The following SULT2B1 variants were observed in gnomAD, a reference collection of about 807,000 sequenced individuals.
SULT2B1 encodes sulfotransferase 2B1.
Under a neutral mutation model 33.2 loss-of-function variants are expected in SULT2B1, and 16 were observed. The observed-to-expected ratio is 0.48, with a 90% CI of 0.33 to 0.73. SULT2B1 has a LOEUF of 0.73. Among genes scored for constraint, SULT2B1 ranks in the 30% least tolerant of loss-of-function variants. The pLI is 0.02. For synonymous variants in SULT2B1, 186 were observed against 200.5 expected (o/e 0.93, Z 0.61); for missense variants, 500 against 506.0 (o/e 0.99, Z 0.11).
rs142655043 is a variant in SULT2B1, at chr19:48,555,549, C to CCTCTCTCTCTCTCTCTCTCT, written c.71+3247_71+3266dup. 1.2e-3 allele frequency among the ~76,000 whole-genome samples: 147 copies of CCTCTCTCTCTCTCTCTCTCT among 124,162 alleles called. 2 individuals carry two copies. Among genetic ancestry groups the CCTCTCTCTCTCTCTCTCTCT allele is most frequent in the African/African-American group, 2.4e-3 (71 of 30,054 alleles). 81.5% of individuals were successfully genotyped at this position (124,162 alleles called of 152,430 possible). On this transcript the variant is annotated intron_variant, in intron 1 of 6. Transcript: ENST00000201586. ...CCTTGCATAGGGATCCCAGAGACAT[C>CCTCTCTCTCTCTCTCTCTCT]CTCTCTCTCTCTCTCTCTCTCTCTC...
chr19:48,556,438 G>A (rs954233445), intron 1 of SULT2B1, among the ~76,000 whole-genome samples: 1 of 152,054 alleles, frequency 6.6e-6, no homozygotes, highest in Non-Finnish European at 1.5e-5. Context: ...GGGAGGAGGG[G>A]CAGGGAGTGC....
chr19:48,580,523 G>A (rs922779687), intron 2 of SULT2B1, among the ~76,000 whole-genome samples: 3 of 152,240 alleles, frequency 2.0e-5, no homozygotes, highest in East Asian at 1.9e-4. Flanking sequence ...GCCTCCCAAA[G>A]TGCTGGGATT....
chr19:48,593,325 G>A (rs1169673743), intron 5 of SULT2B1, among the ~76,000 whole-genome samples: 2 of 152,122 alleles, frequency 1.3e-5, no homozygotes, highest in African/African-American at 4.8e-5. Flanking sequence ...CCCAAGGCAG[G>A]TGGATCACTT....
intron 2 of SULT2B1, among the ~76,000 whole-genome samples, chr19:48,582,183 G>A (rs891023860): frequency 2.0e-5 from 3 of 152,146 alleles, no homozygotes; most frequent in Admixed American, 2.0e-4. Flanking sequence ...GGGATTACAG[G>A]CGTGAGCCAC....
chr19:48,568,597 G>C (rs1406721864), intron 1 of SULT2B1, among the ~76,000 whole-genome samples: 1 of 152,188 alleles, frequency 6.6e-6, no homozygotes, highest in Non-Finnish European at 1.5e-5. Flanking sequence ...GGGAGAGCCT[G>C]GCGGGGAGAA....
At chr19:48,594,835 G>A (rs926125741) in intron 5 of SULT2B1, among the ~76,000 whole-genome samples, 1 of 151,840 alleles carries the variant, frequency 6.6e-6, no homozygotes, top group African/African-American at 2.4e-5. Context: ...CCTGGCCAAC[G>A]TGGTGAAATC....
At chr19:48,565,322 T>A (rs150355162) in intron 1 of SULT2B1, among the ~76,000 whole-genome samples, 94 of 151,910 alleles carry the variant, frequency 6.2e-4, no homozygotes, top group African/African-American at 2.1e-3. Context: ...ACTTCAGTAT[T>A]TGTTTATGGG....
chr19:48,589,553 A>G (rs1601109648), intron 3 of SULT2B1, among the ~76,000 whole-genome samples: 1 of 152,196 alleles, frequency 6.6e-6, no homozygotes, highest in Admixed American at 6.5e-5. Flanking sequence ...GGGGGCTGCA[A>G]TCAGGAAGTC....
In SULT2B1 at chr19:48,591,625, G is replaced by A. The variant is rs777140014; in HGVS notation, c.440G>A (p.Arg147His). The change falls in exon 4 of 7, where the codon CGC (arginine) becomes CAC (histidine). Residue 147 changes from arginine (R) to histidine (H), a missense_variant. Transcript: ENST00000201586. ...SSKAKVIYMG[R>H]NPRDVVVSLY... ...CGCACACAGGTGATCTACATGGGCC[G>A]CAACCCCCGGGACGTTGTGGTCTCC... 3 of 1,612,588 alleles carry A rather than the reference G, an allele frequency of 1.9e-6. No individual in the cohort carries two copies. Among genetic ancestry groups the A allele is most frequent in the East Asian group, 2.2e-5 (1 of 44,838 alleles).
intron 1 of SULT2B1, among the ~76,000 whole-genome samples, chr19:48,574,349 C>T (rs1057135282): frequency 6.6e-6 from 1 of 152,198 alleles, no homozygotes. Flanking sequence ...TGGGCTCCAC[C>T]CTGGCCTCTG....
chr19:48,594,116 G>A (rs1973680508), intron 5 of SULT2B1, among the ~76,000 whole-genome samples: 1 of 151,440 alleles, frequency 6.6e-6, no homozygotes, highest in Non-Finnish European at 1.5e-5. Flanking sequence ...AAAAAATTAG[G>A]CGGCCATGGT....
chr19:48,571,336 A>G (rs2147607613), intron 1 of SULT2B1, among the ~76,000 whole-genome samples: 1 of 151,672 alleles, frequency 6.6e-6, no homozygotes, highest in Admixed American at 6.6e-5. Flanking sequence ...AGCTGAGATT[A>G]CAGGCGCCCA....
At position 48,599,323 on chromosome 19, in the gene SULT2B1, C is replaced by T; in HGVS notation, c.1015C>T (p.Leu339=). The change falls in exon 7 of 7, where the codon CTG becomes TTG. Residue 339 remains leucine, a synonymous_variant. Coordinates refer to ENST00000201586, the MANE Select transcript of SULT2B1 (RefSeq NM_177973.2). This position sits in a 1 kb window ranked among gnomAD's most constrained non-coding sequence, Gnocchi z 4.1. The part of the protein sequence containing the change: ...PKPSLEPNTS[L]EREPRPNSSP... ...GCCCAGCCTTGAGCCCAACACCAGC[C>T]TGGAGCGTGAGCCCAGACCCAACTC... 6.2e-7 allele frequency: 1 copy of T among 1,604,470 alleles called. No individual in the cohort carries two copies. Among genetic ancestry groups the T allele is most frequent in the Non-Finnish European group, 8.5e-7 (1 of 1,175,574 alleles).
chr19:48,565,645 G>T (rs1425515405), intron 1 of SULT2B1, among the ~76,000 whole-genome samples: 1 of 152,076 alleles, frequency 6.6e-6, no homozygotes, highest in African/African-American at 2.4e-5. Flanking sequence ...CTTCCAAAGT[G>T]CTGAGATTAC....
chr19:48,579,950 G>T (rs1392119830), intron 2 of SULT2B1, among the ~76,000 whole-genome samples: 1 of 151,646 alleles, frequency 6.6e-6, no homozygotes, highest in Non-Finnish European at 1.5e-5. Flanking sequence ...TTGAGGCAGG[G>T]TCTCGATCTT....
intron 5 of SULT2B1, chr19:48,595,825 C>T (rs1275796775): frequency 2.6e-5 from 4 of 152,152 alleles, no homozygotes; most frequent in Admixed American, 6.6e-5. Context: ...CGCCACCACA[C>T]CCAGCTAATT....
At chr19:48,566,185 A>G (rs1004232651) in intron 1 of SULT2B1, among the ~76,000 whole-genome samples, 2 of 151,956 alleles carry the variant, frequency 1.3e-5, no homozygotes, top group Non-Finnish European at 2.9e-5. Context: ...TGGCCTCCCA[A>G]AGTGCTGGGT....
At chr19:48,561,400 G>T (rs1601087672) in intron 1 of SULT2B1, among the ~76,000 whole-genome samples, 1 of 152,164 alleles carries the variant, frequency 6.6e-6, no homozygotes, top group East Asian at 1.9e-4. Flanking sequence ...TTGCACTCCA[G>T]CCTGGGCAAC....
chr19:48,596,921 T>A lies in SULT2B1; in HGVS notation c.826+2T>A. On this transcript the variant is annotated splice_donor_variant, in intron 6 of 6. Transcript: ENST00000201586. LOFTEE classifies it high-confidence loss of function. ...GTCGCGGGGCCTTCCTCCGGAAAGG[T>A]GCGGGGGTTCTGGGGTTCAGAGCCC... The A allele has an allele frequency of 6.3e-7, 1 of 1,583,514 alleles. No individual in the cohort carries two copies. Among genetic ancestry groups the A allele is most frequent in the Non-Finnish European group, 8.5e-7 (1 of 1,170,552 alleles).
Sources: allele counts gnomAD v4.1 joint callset (sites outside exome capture counted in the v4.1 genomes callset), GRCh38; gene constraint gnomAD v4.1.1; non-coding constraint Gnocchi (gnomAD v3.1); transcripts MANE v1.5; gene names NCBI Gene and HGNC (gene_info 2026-07-23, HGNC 2026-07-21).